The following TBCK variants were observed in gnomAD, a reference collection of about 807,000 sequenced individuals.
TBCK encodes the protein TBC domain-containing protein kinase-like protein.
A neutral mutation model predicts 113.4 loss-of-function variants in TBCK; 99 were observed. The ratio of observed to expected loss-of-function variants is 0.87; its 90% CI spans 0.74 to 1.03. The LOEUF is 1.03. TBCK is among the 50% of genes least tolerant of loss of function. The probability of loss-of-function intolerance (pLI) is 0.00; values close to 1 mark genes in which losing one functional copy is unlikely to be tolerated. For missense variants in TBCK, 1,045 were observed against 1,061.3 expected (o/e 0.98, Z 0.21); for synonymous variants, 369 against 370.8 (o/e 1.00, Z 0.05).
chr4:106,232,952 A>T lies in TBCK; in HGVS notation c.1625T>A (p.Leu542His). ...ACAAAAGTTACCTTGCCAATACACA[A>T]GATCAGGATGAGACACTACCCAGGC... ...LKAWVVSHPD[L>H]VYWQGLDSLC... The change falls in exon 17 of 26, where the codon CTT becomes CAT. Residue 542 changes from leucine to histidine, a missense_variant. Leu to His is a moderately conservative substitution (Grantham distance 99). Coordinates refer to ENST00000394708, the MANE Select transcript of TBCK (RefSeq NM_001163435.3). 1 of 1,611,712 alleles carries T rather than the reference A, an allele frequency of 6.2e-7. No homozygotes were observed. Among genetic ancestry groups the T allele is most frequent in the Non-Finnish European group, 8.5e-7 (1 of 1,178,494 alleles).
chr4:106,215,313 A>C (rs931882890), intron 19 of TBCK, among the ~76,000 whole-genome samples: 11 of 152,066 alleles, frequency 7.2e-5, no homozygotes, highest in African/African-American at 2.7e-4. Flanking sequence ...TCAACTAAGG[A>C]GCAAAATAAC....
Position 106,206,884 on chromosome 4 carries a change from CT to C in TBCK, c.1860+5865del, listed in dbSNP as rs766349964. ...ATATCATGGAATTTGTTAGCTTTAT[CT>C]TTAGCTGTGACAGTAGGTTGAAAAG... On this transcript the variant is annotated intron_variant, in intron 20 of 25. Coordinates refer to ENST00000394708, the MANE Select transcript of TBCK (RefSeq NM_001163435.3). Among the ~76,000 whole-genome samples the C allele has an allele frequency of 5.8e-4, 89 of 152,228 alleles. 3 individuals carry two copies. The highest frequency in any genetic ancestry group is 1.7e-3 in the Admixed American group (26 of 15,294).
chr4:106,157,980 A>C (rs958580274), intron 23 of TBCK, among the ~76,000 whole-genome samples: 5 of 152,194 alleles, frequency 3.3e-5, no homozygotes, highest in Admixed American at 6.6e-5. Flanking sequence ...CTTAAAGCAG[A>C]AGTATGTATA....
chr4:106,049,052 C>T (rs1480123116), intron 25 of TBCK, among the ~76,000 whole-genome samples: 4 of 152,116 alleles, frequency 2.6e-5, no homozygotes, highest in Non-Finnish European at 5.9e-5. Context: ...AGTTATGCTC[C>T]TCTGATGCTC....
intron 19 of TBCK, among the ~76,000 whole-genome samples, chr4:106,216,510 C>T (rs923549971): frequency 7.8e-4 from 118 of 151,480 alleles, no homozygotes; most frequent in African/African-American, 2.2e-3. Flanking sequence ...ATCAAATAGA[C>T]GCAATAAAAA....
In TBCK at chr4:106,088,268, C is replaced by A. The variant is rs1739750893; in HGVS notation, c.2571+7214G>T. 3.3e-5 allele frequency among the ~76,000 whole-genome samples: 5 copies of A among 152,152 alleles called. No individual in the cohort carries two copies. The South Asian group carries it at 1.0e-3, about 32-fold the overall frequency. On this transcript the variant is annotated intron_variant, in intron 25 of 25. Coordinates refer to ENST00000394708, the MANE Select transcript of TBCK (RefSeq NM_001163435.3). ...AACATATTTACAAGAAAAAAACAAA[C>A]CATCCCATCAAAAAGTAGGCAAAGC...
chr4:106,145,691 T>C (rs1177588670), intron 23 of TBCK, among the ~76,000 whole-genome samples: 1 of 152,192 alleles, frequency 6.6e-6, no homozygotes, highest in Non-Finnish European at 1.5e-5. Flanking sequence ...CCCACTTTTT[T>C]AATGGGGTTG....
chr4:106,209,503 A>T (rs950671365), intron 20 of TBCK, among the ~76,000 whole-genome samples: 1 of 152,190 alleles, frequency 6.6e-6, no homozygotes, highest in Non-Finnish European at 1.5e-5. Flanking sequence ...TAGATAAAAA[A>T]ATACAAATAT....
At chr4:106,061,491 CTTAA>C (rs1462144129) in intron 25 of TBCK, among the ~76,000 whole-genome samples, 14 of 145,198 alleles carry the variant, frequency 9.6e-5, no homozygotes, top group African/African-American at 3.1e-4. Context: ...TATGTATGTA[CTTAA>C]TTTAGATATA....
Position 106,204,751 on chromosome 4 carries a change from A to ATTTTTTTTTTTT in TBCK, c.1860+7987_1860+7998dup, listed in dbSNP as rs34775295. Reference sequence around the variant, plus strand: ...TTGAAAGAATGACAGACAAACAATGATTTTTTTTTTTTTTTTTTTTTTTTT... The same window carrying ATTTTTTTTTTTT: ...TTGAAAGAATGACAGACAAACAATGATTTTTTTTTTTTTTTTTTTTTTTTTTTTTTTTTTTTT... On this transcript the variant is annotated intron_variant, in intron 20 of 25. Coordinates refer to ENST00000394708, the MANE Select transcript of TBCK (RefSeq NM_001163435.3). Among the ~76,000 whole-genome samples, 151 of 87,278 alleles carry ATTTTTTTTTTTT rather than the reference A, an allele frequency of 1.7e-3. 9 individuals are homozygous for ATTTTTTTTTTTT. Among genetic ancestry groups the ATTTTTTTTTTTT allele is most frequent in the East Asian group, 2.9e-3 (9 of 3,088 alleles). The allele number at this position is 87,278 out of a possible 152,430, so 57.3% of individuals were successfully genotyped here. A position where few individuals can be genotyped will look rare whatever the true frequency, so the allele number is the denominator to read the frequency against.
chr4:106,149,969 C>T (rs1037850691), intron 23 of TBCK, among the ~76,000 whole-genome samples: 6 of 152,060 alleles, frequency 3.9e-5, no homozygotes, highest in African/African-American at 1.4e-4. Flanking sequence ...TTTTTGAGTC[C>T]TGGATAGATT....
intron 23 of TBCK, among the ~76,000 whole-genome samples, chr4:106,125,292 A>G (rs1745055580): frequency 1.3e-5 from 2 of 152,350 alleles, no homozygotes; most frequent in South Asian, 4.1e-4. Flanking sequence ...TTACAGCGCT[A>G]TTCACAATAG....
chr4:106,224,965 A>G (rs1208995018), intron 19 of TBCK, among the ~76,000 whole-genome samples: 1 of 152,208 alleles, frequency 6.6e-6, no homozygotes, highest in Non-Finnish European at 1.5e-5. Context: ...CTGTGCTAAC[A>G]TAATAGTATG....
intron 23 of TBCK, among the ~76,000 whole-genome samples, chr4:106,122,894 C>CTA (rs1244507200): frequency 1.3e-5 from 2 of 152,142 alleles, no homozygotes; most frequent in Non-Finnish European, 2.9e-5. Context: ...TAAGAGCTAT[C>CTA]TATGACAAAC....
chr4:106,250,676 T>C (rs943786149), intron 6 of TBCK, among the ~76,000 whole-genome samples, 198 bp from the exon 7 acceptor site: 1 of 152,014 alleles, frequency 6.6e-6, no homozygotes, highest in Admixed American at 6.6e-5. Flanking sequence ...TGCATAATAG[T>C]TATCATTTAA....
chr4:106,069,141 T>G (rs1269540200), intron 25 of TBCK, among the ~76,000 whole-genome samples: 1 of 152,228 alleles, frequency 6.6e-6, no homozygotes, highest in African/African-American at 2.4e-5. Flanking sequence ...AGAAGCTCTT[T>G]AGTTTAATTA....
In TBCK at chr4:106,119,475, A is replaced by G. The variant is rs532303892; in HGVS notation, c.2236-3097T>C. ...GAATATCTATATGCAGAAAAATGAA[A>G]CTAGACCCCTATCTCTTACTATATG... On this transcript the variant is annotated intron_variant, in intron 23 of 25. Transcript: ENST00000394708. Among the ~76,000 whole-genome samples, 3 of 152,302 alleles carry G rather than the reference A, an allele frequency of 2.0e-5. No homozygotes were observed. In the South Asian group the frequency reaches 6.2e-4, roughly 32 times the overall value.
At chr4:106,111,597 A>G (rs923798417) in intron 24 of TBCK, among the ~76,000 whole-genome samples, 7 of 152,174 alleles carry the variant, frequency 4.6e-5, no homozygotes, top group African/African-American at 1.7e-4. Context: ...AGAATTTCCT[A>G]ATTGCAGGAT....
chr4:106,206,399 A>C (rs1755501197), intron 20 of TBCK, among the ~76,000 whole-genome samples: 1 of 152,212 alleles, frequency 6.6e-6, no homozygotes, highest in African/African-American at 2.4e-5. Flanking sequence ...TCTGAAAGGT[A>C]ATCAAGCTTC....
Sources: gnomAD v4.1 joint callset for allele counts (sites outside exome capture counted in the v4.1 genomes callset) on GRCh38, gnomAD v4.1.1 for gene constraint, MANE v1.5 for transcripts, NCBI Gene and HGNC (gene_info 2026-07-23, HGNC 2026-07-21) for gene names.